The following UBXN2B variants were observed in gnomAD, a reference collection of about 807,000 sequenced individuals.
UBXN2B encodes UBX domain protein 2B, also known as UBX domain-containing protein 2B.
Under a neutral mutation model 37.5 loss-of-function variants are expected in UBXN2B, and 19 were observed. The ratio of observed to expected loss-of-function variants is 0.51; its 90% CI spans 0.35 to 0.74. The LOEUF is 0.74. Among genes scored for constraint, UBXN2B ranks in the 30% least tolerant of loss-of-function variants. The pLI, the probability that UBXN2B is intolerant of heterozygous loss-of-function variation, is 0.01. For missense variants in UBXN2B, 370 were observed against 393.2 expected (o/e 0.94, Z 0.50); for synonymous variants, 145 against 143.8 (o/e 1.01, Z -0.06).
intron 7 of UBXN2B, 107 bp from the exon 8 acceptor site, chr8:58,447,282 C>T (rs1267137075): frequency 7.6e-6 from 8 of 1,049,878 alleles, no homozygotes; most frequent in Non-Finnish European, 9.3e-6. Flanking sequence ...GTTACAACAC[C>T]TTTATATAAA....
chr8:58,427,222 A>G (rs1159093724), intron 2 of UBXN2B, among the ~76,000 whole-genome samples: 2 of 152,182 alleles, frequency 1.3e-5, no homozygotes, highest in Non-Finnish European at 2.9e-5. Flanking sequence ...TCATCTTAGC[A>G]CTTTGGGAGG....
At chr8:58,425,481 G>C in intron 2 of UBXN2B, 2 of 1,116,094 alleles carry the variant, frequency 1.8e-6, no homozygotes, top group Non-Finnish European at 2.7e-6. Flanking sequence ...CAGGCTCGTT[G>C]GGATCACCAT....
rs35213875 is a variant in UBXN2B at position 58,423,079 on chromosome 8, A to AATCATC, written c.188+6164_188+6169dup. On this transcript the variant is annotated intron_variant, in intron 2 of 7. Transcript: ENST00000399598. ...CTCCAGCTCTCTTCTGGTGAGACGA[A>AATCATC]ATCATCATCATCATCATCATCATCA... Among the ~76,000 whole-genome samples, 1,387 of 149,046 alleles carry AATCATC rather than the reference A, an allele frequency of 9.3e-3. 17 individuals are homozygous for AATCATC. Among genetic ancestry groups the AATCATC allele is most frequent in the East Asian group, 0.084 (419 of 4,978 alleles).
chr8:58,451,343 A>AT lies in UBXN2B; in HGVS notation c.*3797dup, dbSNP rs1191740306. The stretch of plus-strand genomic sequence containing the variant: ...TCATTGAGAGTCATTTTCATGAATT[A>AT]TTTTTACTACTGCAGTCATCTTAAA... On this transcript the variant is annotated 3_prime_UTR_variant, in exon 8 of 8. Transcript: ENST00000399598. 6.6e-6 allele frequency: 1 copy of AT among 152,160 alleles called. No individual in the cohort carries two copies. Among genetic ancestry groups the AT allele is most frequent in the Non-Finnish European group, 1.5e-5 (1 of 68,038 alleles). The allele number at this position is 152,160 out of a possible 1,614,324, so 9.4% of individuals were successfully genotyped here. A position where few individuals can be genotyped will look rare whatever the true frequency, so the allele number is the denominator to read the frequency against.
intron 2 of UBXN2B, 43 bp downstream of exon 2, chr8:58,416,996 T>C: frequency 6.8e-7 from 1 of 1,463,908 alleles, no homozygotes; most frequent in Non-Finnish European, 9.2e-7. Context: ...ATTATAATCC[T>C]TTCTAAAAAT....
At chr8:58,411,512 G>A (rs1031843433) in intron 1 of UBXN2B, 43 bp downstream of exon 1, 46 of 1,238,730 alleles carry the variant, frequency 3.7e-5, no homozygotes, top group Non-Finnish European at 4.2e-5. Flanking sequence ...GGTGGACGCG[G>A]GCTGGTGACG....
intron 2 of UBXN2B, among the ~76,000 whole-genome samples, chr8:58,429,860 T>G (rs1421213091): frequency 6.6e-6 from 1 of 152,368 alleles, no homozygotes; most frequent in East Asian, 1.9e-4. Flanking sequence ...GAAAAAAATC[T>G]TGAAAGATAA....
intron 2 of UBXN2B, chr8:58,425,434 T>G: frequency 5.3e-6 from 6 of 1,136,342 alleles, no homozygotes; most frequent in Non-Finnish European, 8.0e-6. Flanking sequence ...GGTTTCAAAT[T>G]TGGGCATGAT....
intron 5 of UBXN2B, among the ~76,000 whole-genome samples, chr8:58,437,958 C>CG (rs1258640974): frequency 4.0e-5 from 6 of 151,756 alleles, no homozygotes; most frequent in Admixed American, 1.3e-4. Flanking sequence ...CAGCCCCCCC[C>CG]CCAACCCCCA....
chr8:58,439,902 ATAT>A lies in UBXN2B; in HGVS notation c.671+136_671+138del. On this transcript the variant is annotated intron_variant, in intron 6 of 7. Transcript: ENST00000399598. ...GCACATTAGATATATACATCTGTTA[ATAT>A]TATATCATAATATTATATCATGTGA... 9 of 674,920 alleles carry A rather than the reference ATAT, an allele frequency of 1.3e-5. 1 individual carries two copies. In the South Asian group the frequency reaches 2.1e-4, roughly 16 times the overall value. 41.8% of individuals were successfully genotyped at this position (674,920 alleles called of 1,614,324 possible).
intron 6 of UBXN2B, among the ~76,000 whole-genome samples, chr8:58,443,379 T>C (rs934125334): frequency 1.3e-5 from 2 of 152,196 alleles, no homozygotes; most frequent in Non-Finnish European, 2.9e-5. Flanking sequence ...TAATTTCTCT[T>C]TTCTTTCTTA....
chr8:58,434,855 CA>C, intron 5 of UBXN2B: 1 of 1,535,572 alleles, frequency 6.5e-7, no homozygotes, highest in Non-Finnish European at 8.7e-7. Context: ...TTACTGTTGA[CA>C]GGGTGACTCT....
rs869090698 is a variant in UBXN2B at position 58,446,779 on chromosome 8, A to ATTTTTTTTTTTTTTTTTT, written c.834-591_834-574dup. Among the ~76,000 whole-genome samples the ATTTTTTTTTTTTTTTTTT allele has an allele frequency of 2.5e-3, 44 of 17,402 alleles. 15 individuals carry two copies. Among genetic ancestry groups the ATTTTTTTTTTTTTTTTTT allele is most frequent in the Non-Finnish European group, 3.0e-3 (29 of 9,594 alleles). The allele number at this position is 17,402 out of a possible 152,430, so 11.4% of individuals were successfully genotyped here. A position where few individuals can be genotyped will look rare whatever the true frequency, so the allele number is the denominator to read the frequency against. Reference sequence around the variant, plus strand: ...ATACTCCGAAAAAAGTACAACCTGCATTTTTTTTTTTTTTTTTTTTTTTTT... The same window carrying ATTTTTTTTTTTTTTTTTT: ...ATACTCCGAAAAAAGTACAACCTGCATTTTTTTTTTTTTTTTTTTTTTTTTTTTTTTTTTTTTTTTTTT... On this transcript the variant is annotated intron_variant, in intron 7 of 7. Transcript: ENST00000399598.
intron 2 of UBXN2B, among the ~76,000 whole-genome samples, chr8:58,417,566 C>T (rs76359991): frequency 0.021 from 3,194 of 152,242 alleles, 66 homozygotes; most frequent in East Asian, 0.11. Context: ...GAGATGAGAA[C>T]CAGGTGTCTT....
chr8:58,443,903 G>A (rs1383716053), intron 6 of UBXN2B, among the ~76,000 whole-genome samples: 1 of 152,100 alleles, frequency 6.6e-6, no homozygotes. Flanking sequence ...CTGTCTGTGT[G>A]GTTCTGAGCA....
chr8:58,428,116 G>A (rs1808150641), intron 2 of UBXN2B, among the ~76,000 whole-genome samples: 1 of 152,216 alleles, frequency 6.6e-6, no homozygotes, highest in Admixed American at 6.5e-5. Flanking sequence ...CAGAACCTTT[G>A]AGTATTCAGT....
At chr8:58,433,723 C>T (rs1052752527) in intron 4 of UBXN2B, among the ~76,000 whole-genome samples, 1 of 151,588 alleles carries the variant, frequency 6.6e-6, no homozygotes, top group African/African-American at 2.4e-5. Flanking sequence ...ATTGTTTGAG[C>T]CCAGGAGTTC....
In UBXN2B at chr8:58,449,453, C is replaced by T. The variant is rs1808756328; in HGVS notation, c.*1902C>T. 1 of 152,168 alleles carries T rather than the reference C, an allele frequency of 6.6e-6. No homozygotes were observed. The highest frequency in any genetic ancestry group is 2.4e-5 in the African/African-American group (1 of 41,432). 9.4% of individuals were successfully genotyped at this position (152,168 alleles called of 1,614,324 possible). ...CTGAGTCTCACCAACTCAAAAGTCT[C>T]AAATCTCACATTGAAGCCATCTAAA... On this transcript the variant is annotated 3_prime_UTR_variant, in exon 8 of 8. Transcript: ENST00000399598.
intron 6 of UBXN2B, among the ~76,000 whole-genome samples, chr8:58,445,420 A>AT (rs1808644218): frequency 6.6e-6 from 1 of 152,234 alleles, no homozygotes; most frequent in Non-Finnish European, 1.5e-5. Context: ...TATGTTCACA[A>AT]TAGCTGGCAC....
Sources: allele counts gnomAD v4.1 joint callset (sites outside exome capture counted in the v4.1 genomes callset), GRCh38; gene constraint gnomAD v4.1.1; transcripts MANE v1.5; gene names NCBI Gene and HGNC (gene_info 2026-07-23, HGNC 2026-07-21).